The following FAM135A variants were observed in gnomAD, a reference collection of about 807,000 sequenced individuals.
FAM135A encodes family with sequence similarity 135 member A, also known as protein FAM135A.
Under a neutral mutation model 146.8 loss-of-function variants are expected in FAM135A, and 79 were observed. The observed-to-expected ratio is 0.54, with a 90% CI of 0.45 to 0.65. FAM135A has a LOEUF of 0.65. Among genes scored for constraint, FAM135A ranks in the 30% least tolerant of loss-of-function variants. FAM135A has a pLI of 0.00. For missense variants in FAM135A, 1,623 were observed against 1,758.2 expected, an observed-to-expected ratio of 0.92 and a Z score of 1.38; for synonymous variants, 562 against 603.6, an observed-to-expected ratio of 0.93 and a Z score of 1.01.
intron 1 of FAM135A, 24 bp downstream of exon 1, chr6:70,413,726 G>T: frequency 1.2e-6 from 1 of 833,774 alleles, no homozygotes; most frequent in Non-Finnish European, 1.4e-6. Flanking sequence ...TGTCCCCTCT[G>T]GCTCCCCCGG....
intron 4 of FAM135A, among the ~76,000 whole-genome samples, chr6:70,450,353 T>C (rs1342033690): frequency 1.3e-5 from 2 of 152,218 alleles, no homozygotes; most frequent in Non-Finnish European, 2.9e-5. Flanking sequence ...CAGAACAATG[T>C]GATGGAGATT....
At chr6:70,433,539 C>T (rs1027500236) in intron 4 of FAM135A, among the ~76,000 whole-genome samples, 14 of 148,226 alleles carry the variant, frequency 9.4e-5, no homozygotes, top group Non-Finnish European at 1.9e-4. Flanking sequence ...AAGCAGCAAA[C>T]ATTTGTTGTT....
At chr6:70,557,321 G>A in intron 21 of FAM135A, 1 of 175,920 alleles carries the variant, frequency 5.7e-6, no homozygotes, top group Non-Finnish European at 1.2e-5. Flanking sequence ...GGAAACTTGA[G>A]TCCTGTTTAC....
chr6:70,494,027 C>T (rs1464318243), intron 11 of FAM135A, among the ~76,000 whole-genome samples: 1 of 140,266 alleles, frequency 7.1e-6, no homozygotes, highest in Non-Finnish European at 1.5e-5. Context: ...GCACTCCAGC[C>T]TGGGCGACAG....
intron 4 of FAM135A, among the ~76,000 whole-genome samples, chr6:70,448,606 C>T (rs1184251042): frequency 2.0e-5 from 3 of 152,160 alleles, no homozygotes; most frequent in Non-Finnish European, 2.9e-5. Flanking sequence ...AAGGCGCACA[C>T]ACAGAAATAT....
At chr6:70,545,142 ATCTT>A (rs911657876) in intron 20 of FAM135A, among the ~76,000 whole-genome samples, 54 of 152,294 alleles carry the variant, frequency 3.5e-4, no homozygotes, top group South Asian at 2.7e-3. Flanking sequence ...ATATATATCT[ATCTT>A]AGGAAAATTT....
At chr6:70,488,039 T>G (rs1311206451) in intron 10 of FAM135A, among the ~76,000 whole-genome samples, 1 of 152,152 alleles carries the variant, frequency 6.6e-6, no homozygotes, top group African/African-American at 2.4e-5. Context: ...AAAATAAATG[T>G]TAGATACATG....
intron 2 of FAM135A, among the ~76,000 whole-genome samples, chr6:70,415,662 G>A (rs1002114862): frequency 1.3e-5 from 2 of 151,874 alleles, no homozygotes; most frequent in African/African-American, 2.4e-5. Flanking sequence ...TTTATTTTTA[G>A]GTAAACATTC....
At chr6:70,535,028 A>T (rs1024660079) in intron 18 of FAM135A, among the ~76,000 whole-genome samples, 2 of 152,156 alleles carry the variant, frequency 1.3e-5, no homozygotes, top group Non-Finnish European at 2.9e-5. Context: ...TTATTTTATG[A>T]TGAGAAAAAT....
chr6:70,477,252 T>C lies in FAM135A; in HGVS notation c.462T>C (p.Val154=), dbSNP rs200687239. 1 of 1,613,632 alleles carries C rather than the reference T, an allele frequency of 6.2e-7. No homozygotes were observed. Among genetic ancestry groups the C allele is most frequent in the Non-Finnish European group, 8.5e-7 (1 of 1,179,742 alleles). ...GAGGCCTTCATCATCATGTTAATGTTATGTTTGATTACTTCCACCTTTCTG... is the reference window on the plus strand; with the variant it reads ...GAGGCCTTCATCATCATGTTAATGTCATGTTTGATTACTTCCACCTTTCTG... ...PHRGLHHHVN[V]MFDYFHLSVV... The change falls in exon 8 of 22, where the codon GTT becomes GTC. Residue 154 remains valine (V), a synonymous_variant. Transcript: ENST00000418814.
intron 20 of FAM135A, among the ~76,000 whole-genome samples, chr6:70,545,513 G>C (rs1798694650): frequency 6.6e-6 from 1 of 152,086 alleles, no homozygotes; most frequent in South Asian, 2.1e-4. Context: ...TACTCAGAAG[G>C]CTGAGGCAGG....
chr6:70,540,217 A>C lies in FAM135A; in HGVS notation c.4228+1816A>C, dbSNP rs568064106. Among the ~76,000 whole-genome samples, 3 of 152,018 alleles carry C rather than the reference A, an allele frequency of 2.0e-5. No homozygotes were observed. The South Asian group carries it at 6.2e-4, about 32-fold the overall frequency. On this transcript the variant is annotated intron_variant, in intron 20 of 21. Coordinates refer to ENST00000418814, the MANE Select transcript of FAM135A (RefSeq NM_001162529.3). ...ACCCACGGCTACACTGTAGTCCTGA[A>C]ATTTCAGCCAACGTTCCATTCTGTT...
chr6:70,514,547 T>C (rs1192176457), intron 12 of FAM135A, among the ~76,000 whole-genome samples: 1 of 152,172 alleles, frequency 6.6e-6, no homozygotes, highest in Non-Finnish European at 1.5e-5. Context: ...AATCAACAAC[T>C]CTTCTTAGAT....
intron 12 of FAM135A, among the ~76,000 whole-genome samples, chr6:70,517,414 C>CCT (rs1482243144): frequency 7.1e-6 from 1 of 140,446 alleles, no homozygotes; most frequent in African/African-American, 2.8e-5. Flanking sequence ...ACGTCTTTTT[C>CCT]CTTTTTTTTT....
At chr6:70,470,637 G>T (rs554541289) in intron 5 of FAM135A, among the ~76,000 whole-genome samples, 1 of 152,308 alleles carries the variant, frequency 6.6e-6, no homozygotes, top group East Asian at 1.9e-4. Context: ...AATTACAGGC[G>T]TGAGCCACTG....
At chr6:70,463,753 T>A (rs1582304251) in intron 5 of FAM135A, among the ~76,000 whole-genome samples, 3 of 152,194 alleles carry the variant, frequency 2.0e-5, no homozygotes, top group Admixed American at 2.0e-4. Context: ...AATTGAATAA[T>A]CTCAACAGCC....
intron 5 of FAM135A, among the ~76,000 whole-genome samples, chr6:70,473,217 T>C (rs961403468): frequency 1.4e-4 from 22 of 152,172 alleles, no homozygotes; most frequent in African/African-American, 4.8e-4. Context: ...ACTTCCTTAC[T>C]TTCTGGTATA....
chr6:70,516,530 CTTT>C (rs1174927909), intron 12 of FAM135A, among the ~76,000 whole-genome samples: 76 of 84,942 alleles, frequency 8.9e-4, no homozygotes, highest in African/African-American at 3.5e-3. Flanking sequence ...ATTTTCTTTT[CTTT>C]TTTTTTTTTT....
intron 17 of FAM135A, 80 bp downstream of exon 17, chr6:70,533,331 C>T: frequency 3.4e-6 from 3 of 886,876 alleles, no homozygotes; most frequent in South Asian, 1.6e-5. Flanking sequence ...CTACAAAATG[C>T]CTGTAATAGT....
Sources: allele counts gnomAD v4.1 joint callset (sites outside exome capture counted in the v4.1 genomes callset), GRCh38; gene constraint gnomAD v4.1.1; transcripts MANE v1.5; gene names NCBI Gene and HGNC (gene_info 2026-07-23, HGNC 2026-07-21).